The following KCNIP4 variants were observed in gnomAD, a reference collection of about 807,000 sequenced individuals.
The protein encoded by KCNIP4 is Kv channel-interacting protein 4.
KCNIP4 carries 12 observed loss-of-function variants against 34.0 expected under a neutral mutation model. That is an observed-to-expected ratio of 0.35 (90% confidence interval 0.23 to 0.57). KCNIP4 has a LOEUF of 0.57. Among genes scored for constraint, KCNIP4 ranks in the 20% least tolerant of loss-of-function variants. The pLI is 0.83. For synonymous variants in KCNIP4, 124 were observed against 102.2 expected, an observed-to-expected ratio of 1.21 and a Z score of -1.29; for missense variants, 238 against 311.7, an observed-to-expected ratio of 0.76 and a Z score of 1.78.
intron 3 of KCNIP4, among the ~76,000 whole-genome samples, chr4:20,844,497 G>A (rs558715261): frequency 9.2e-5 from 14 of 152,248 alleles, no homozygotes; most frequent in Admixed American, 3.3e-4. Context: ...GACAGAAGCC[G>A]GCAGGAATGA....
At chr4:21,625,621 G>C (rs889474296) in intron 1 of KCNIP4, among the ~76,000 whole-genome samples, 4 of 152,178 alleles carry the variant, frequency 2.6e-5, no homozygotes, top group African/African-American at 9.6e-5. Context: ...GACTTTGTCA[G>C]AGTAGCAGGG....
intron 1 of KCNIP4, among the ~76,000 whole-genome samples, chr4:21,753,048 A>G (rs1577941302): frequency 1.3e-5 from 2 of 152,040 alleles, no homozygotes; most frequent in Admixed American, 1.3e-4. Context: ...TTGGAAGCTC[A>G]TTTCTGTTTA....
chr4:21,482,982 T>C (rs1040187312), intron 1 of KCNIP4, among the ~76,000 whole-genome samples: 12 of 147,726 alleles, frequency 8.1e-5, no homozygotes. Context: ...CAGCAAAGTA[T>C]AGCAAGGACA....
rs1431252858 is a variant in KCNIP4 at position 21,630,103 on chromosome 4, A to T, written c.61+318468T>A. On this transcript the variant is annotated intron_variant, in intron 1 of 8. Transcript: ENST00000382152. The stretch of plus-strand genomic sequence containing the variant: ...GTTCTCAAACTCCTGGGCTCAAGTG[A>T]TCCTTCCACCTTGGCCTCCCAAAAT... 4.0e-5 allele frequency among the ~76,000 whole-genome samples: 6 copies of T among 149,122 alleles called. No individual in the cohort carries two copies. In the East Asian group the frequency reaches 1.2e-3, roughly 30 times the overall value.
intron 1 of KCNIP4, among the ~76,000 whole-genome samples, chr4:20,909,707 T>C (rs1395049934): frequency 1.3e-5 from 2 of 152,210 alleles, no homozygotes; most frequent in Non-Finnish European, 2.9e-5. Context: ...CTCACTTCCC[T>C]GTCTTCTTTC....
chr4:20,867,511 T>C (rs991842975), intron 2 of KCNIP4, among the ~76,000 whole-genome samples: 4 of 152,134 alleles, frequency 2.6e-5, no homozygotes, highest in African/African-American at 4.8e-5. Context: ...TTTCAACATA[T>C]ACTAAAGTTA....
chr4:21,567,724 C>T (rs1169169501), intron 1 of KCNIP4, among the ~76,000 whole-genome samples: 1 of 152,086 alleles, frequency 6.6e-6, no homozygotes, highest in African/African-American at 2.4e-5. Flanking sequence ...CCTTTCCATT[C>T]CCCACCCAAA....
At chr4:21,058,073 G>A (rs1191841793) in intron 1 of KCNIP4, among the ~76,000 whole-genome samples, 1 of 152,142 alleles carries the variant, frequency 6.6e-6, no homozygotes, top group Non-Finnish European at 1.5e-5. Context: ...TGCTTGGCCA[G>A]TATATATCTT....
intron 1 of KCNIP4, among the ~76,000 whole-genome samples, chr4:21,661,857 T>C (rs1748479133): frequency 6.6e-6 from 1 of 152,092 alleles, no homozygotes; most frequent in African/African-American, 2.4e-5. Context: ...AAGAAGAAAA[T>C]ACCAAACAAT....
intron 1 of KCNIP4, among the ~76,000 whole-genome samples, chr4:21,366,100 CAT>C (rs1443587931): frequency 6.6e-6 from 1 of 152,128 alleles, no homozygotes; most frequent in Non-Finnish European, 1.5e-5. Context: ...ACTTTTCACA[CAT>C]ATGTTTAAAC....
chr4:21,511,068 T>C (rs1005968103), intron 1 of KCNIP4, among the ~76,000 whole-genome samples: 9 of 151,562 alleles, frequency 5.9e-5, no homozygotes, highest in African/African-American at 2.2e-4. Context: ...ATAATAATAA[T>C]AAATCGTTTG....
At chr4:21,480,603 A>G (rs775798234) in intron 1 of KCNIP4, among the ~76,000 whole-genome samples, 5 of 152,158 alleles carry the variant, frequency 3.3e-5, no homozygotes, top group Non-Finnish European at 4.4e-5. Flanking sequence ...GGCACAAAAT[A>G]ATCATTGAGA....
At chr4:20,956,966 A>T (rs1560600118) in intron 1 of KCNIP4, among the ~76,000 whole-genome samples, 1 of 152,162 alleles carries the variant, frequency 6.6e-6, no homozygotes, top group South Asian at 2.1e-4. Flanking sequence ...CACAATTCTG[A>T]TGTATATAGT....
chr4:20,773,214 G>A (rs1440590207), intron 3 of KCNIP4, among the ~76,000 whole-genome samples: 1 of 152,080 alleles, frequency 6.6e-6, no homozygotes. Flanking sequence ...CTTCAAGCTG[G>A]ATTTTATCAT....
intron 1 of KCNIP4, among the ~76,000 whole-genome samples, chr4:21,812,115 T>A (rs7671494): frequency 6.6e-6 from 1 of 151,996 alleles, no homozygotes; most frequent in Non-Finnish European, 1.5e-5. Context: ...ATAACTATTT[T>A]CCAGAAAATA....
At chr4:21,505,610 C>A (rs553970395) in intron 1 of KCNIP4, among the ~76,000 whole-genome samples, 2 of 152,134 alleles carry the variant, frequency 1.3e-5, no homozygotes, top group Middle Eastern at 3.2e-3. Context: ...AAACTTTCTT[C>A]TCTGTTCTCC....
At chr4:20,837,682 A>ATTTTT (rs575948773) in intron 3 of KCNIP4, among the ~76,000 whole-genome samples, 4 of 109,710 alleles carry the variant, frequency 3.6e-5, no homozygotes, top group African/African-American at 1.2e-4. Flanking sequence ...ATATATATAT[A>ATTTTT]TATATTTTTT....
chr4:20,995,035 T>A (rs748693037), intron 1 of KCNIP4, among the ~76,000 whole-genome samples: 2 of 152,188 alleles, frequency 1.3e-5, no homozygotes, highest in Admixed American at 6.5e-5. Flanking sequence ...CTACTTTTAT[T>A]CATGATTTTC....
intron 1 of KCNIP4, among the ~76,000 whole-genome samples, chr4:21,655,781 G>T (rs1409716164): frequency 3.3e-5 from 5 of 152,162 alleles, no homozygotes; most frequent in Non-Finnish European, 7.3e-5. Context: ...GAAATCAAGT[G>T]TTTGTCATTA....
Sources: gnomAD v4.1 joint callset for allele counts (sites outside exome capture counted in the v4.1 genomes callset) on GRCh38, gnomAD v4.1.1 for gene constraint, MANE v1.5 for transcripts, NCBI Gene and HGNC (gene_info 2026-07-23, HGNC 2026-07-21) for gene names.